The following ARHGAP44 variants were observed in gnomAD, a reference collection of about 807,000 sequenced individuals.
ARHGAP44 encodes the protein Rho GTPase activating protein 44, also known as rho GTPase-activating protein 44.
ARHGAP44 carries 43 observed loss-of-function variants against 106.8 expected under a neutral mutation model. That is an observed-to-expected ratio of 0.40 (90% CI 0.32 to 0.52). The LOEUF (loss-of-function observed/expected upper bound fraction) is 0.52. ARHGAP44 is among the 20% of genes least tolerant of loss of function. The probability of loss-of-function intolerance (pLI) is 0.48; values close to 1 mark genes in which losing one functional copy is unlikely to be tolerated. For synonymous variants in ARHGAP44, 439 were observed against 410.3 expected, an observed-to-expected ratio of 1.07 and a Z score of -0.85; for missense variants, 866 against 1,050.5, an observed-to-expected ratio of 0.82 and a Z score of 2.43.
Position 12,958,683 on chromosome 17 carries a change from G to C in ARHGAP44, c.1343-34G>C. On this transcript the variant is annotated intron_variant, in intron 15 of 20. Coordinates refer to ENST00000379672, the MANE Select transcript of ARHGAP44 (RefSeq NM_014859.6). The surrounding 1 kb of genome is among the most constrained non-coding windows in gnomAD (Gnocchi z 4.1). ...GCCCAGGAAGGGTGTGGCAGACCAAGAGTTCACATGTACCAATTCTTTCTT... is the reference window on the plus strand; with the variant it reads ...GCCCAGGAAGGGTGTGGCAGACCAACAGTTCACATGTACCAATTCTTTCTT... 1 of 1,604,268 alleles carries C rather than the reference G, an allele frequency of 6.2e-7. No individual in the cohort carries two copies. The highest frequency in any genetic ancestry group is 8.5e-7 in the Non-Finnish European group (1 of 1,172,588).
chr17:12,896,597 G>C, intron 3 of ARHGAP44, 86 bp downstream of exon 3: 1 of 1,173,524 alleles, frequency 8.5e-7, no homozygotes, highest in Non-Finnish European at 1.2e-6. Flanking sequence ...GGATGTAGCT[G>C]TTTATGTAGC....
chr17:12,802,963 ATATATATTTT>A (rs1357727985), intron 1 of ARHGAP44, among the ~76,000 whole-genome samples: 292 of 21,834 alleles, frequency 0.013, no homozygotes, highest in South Asian at 0.019. Context: ...ATATATATAT[ATATATATTTT>A]TTTTTTTTTT....
chr17:12,990,432 C>T lies in ARHGAP44; in HGVS notation c.*261C>T, dbSNP rs2040101932. 2 of 414,772 alleles carry T rather than the reference C, an allele frequency of 4.8e-6. No homozygotes were observed. The highest frequency in any genetic ancestry group is 8.6e-5 in the East Asian group (2 of 23,264). 25.7% of individuals were successfully genotyped at this position (414,772 alleles called of 1,614,324 possible). A position where few individuals can be genotyped will look rare whatever the true frequency, so the allele number is the denominator to read the frequency against. On this transcript the variant is annotated 3_prime_UTR_variant, in exon 21 of 21. Coordinates refer to ENST00000379672, the MANE Select transcript of ARHGAP44 (RefSeq NM_014859.6). ...CTTTTGACTTTGTGCCTCTTTTGATCCACTTTCAGCCTCCATGCCAGAAAA... is the reference window on the plus strand; with the variant it reads ...CTTTTGACTTTGTGCCTCTTTTGATTCACTTTCAGCCTCCATGCCAGAAAA...
chr17:12,946,563 C>T (rs2038856610), intron 10 of ARHGAP44, among the ~76,000 whole-genome samples: 1 of 151,406 alleles, frequency 6.6e-6, no homozygotes, highest in Admixed American at 6.6e-5. Context: ...CTTTGGGAGG[C>T]TGAGGAGGGC....
chr17:12,965,955 C>T (rs556112149), intron 16 of ARHGAP44, among the ~76,000 whole-genome samples: 1 of 152,014 alleles, frequency 6.6e-6, no homozygotes, highest in Non-Finnish European at 1.5e-5. Context: ...GAGCTCAAGA[C>T]CAATCTGAGC....
At chr17:12,947,237 C>T (rs1003000344) in intron 10 of ARHGAP44, among the ~76,000 whole-genome samples, 5 of 152,222 alleles carry the variant, frequency 3.3e-5, no homozygotes, top group South Asian at 2.1e-4. Context: ...TCCGGGATCC[C>T]CAGCAACCCC....
chr17:12,908,089 A>G (rs1029871152), intron 3 of ARHGAP44, among the ~76,000 whole-genome samples: 6 of 149,458 alleles, frequency 4.0e-5, no homozygotes, highest in South Asian at 2.1e-4. Flanking sequence ...TTGGCCATCT[A>G]TCTTTTTTGG....
chr17:12,833,097 C>A (rs1240445069), intron 1 of ARHGAP44, among the ~76,000 whole-genome samples: 1 of 152,192 alleles, frequency 6.6e-6, no homozygotes, highest in Non-Finnish European at 1.5e-5. Flanking sequence ...GGAGACTATC[C>A]TAGCTAGAAC....
intron 1 of ARHGAP44, among the ~76,000 whole-genome samples, chr17:12,841,793 A>T (rs557195954): frequency 2.6e-5 from 4 of 152,196 alleles, no homozygotes; most frequent in Admixed American, 2.6e-4. Context: ...ATTGAGGCAG[A>T]TTCATTTGTT....
chr17:12,841,870 G>A (rs2035418868), intron 1 of ARHGAP44, among the ~76,000 whole-genome samples: 1 of 151,988 alleles, frequency 6.6e-6, no homozygotes, highest in African/African-American at 2.4e-5. Context: ...AAAATTGTTC[G>A]GGGTTTGCAA....
intron 1 of ARHGAP44, among the ~76,000 whole-genome samples, chr17:12,792,045 C>T (rs1024028062): frequency 6.6e-6 from 1 of 152,186 alleles, no homozygotes; most frequent in Non-Finnish European, 1.5e-5. Context: ...TTTCTTAACT[C>T]TTTTTCTCCC....
chr17:12,869,523 T>C (rs1192016379), intron 1 of ARHGAP44, among the ~76,000 whole-genome samples: 1 of 152,150 alleles, frequency 6.6e-6, no homozygotes, highest in Admixed American at 6.6e-5. Flanking sequence ...AGTTCAGTGG[T>C]GTTAAGTGTG....
rs376200698 is a variant in ARHGAP44 at position 12,938,582 on chromosome 17, T to TTTA, written c.583-2474_583-2473insTTA. ...CTGGGACATTTGGTTAGCTATATAT[T>TTTA]AAAAAAAAAAAAAAAAAAAAACAGC... On this transcript the variant is annotated intron_variant, in intron 7 of 20. Transcript: ENST00000379672. 1.4e-3 allele frequency among the ~76,000 whole-genome samples: 183 copies of TTTA among 127,008 alleles called. 1 individual carries two copies. Among genetic ancestry groups the TTTA allele is most frequent in the African/African-American group, 3.5e-3 (124 of 35,296 alleles). 83.3% of individuals were successfully genotyped at this position (127,008 alleles called of 152,430 possible).
At chr17:12,937,188 C>T (rs1027680807) in intron 7 of ARHGAP44, among the ~76,000 whole-genome samples, 1 of 152,132 alleles carries the variant, frequency 6.6e-6, no homozygotes, top group Admixed American at 6.6e-5. Context: ...TGAGTATTTC[C>T]CTTCCTCTTG....
At chr17:12,880,416 C>T (rs2036691625) in intron 1 of ARHGAP44, among the ~76,000 whole-genome samples, 1 of 152,084 alleles carries the variant, frequency 6.6e-6, no homozygotes, top group African/African-American at 2.4e-5. Flanking sequence ...CATTTTATTA[C>T]ATATACATTT....
chr17:12,963,510 C>G (rs2039313573), intron 16 of ARHGAP44, among the ~76,000 whole-genome samples: 1 of 152,238 alleles, frequency 6.6e-6, no homozygotes, highest in South Asian at 2.1e-4. Context: ...AGTCTTCAAC[C>G]CAAGTCAGAC....
intron 7 of ARHGAP44, among the ~76,000 whole-genome samples, chr17:12,931,816 A>G (rs1328768695): frequency 6.7e-6 from 1 of 149,470 alleles, no homozygotes; most frequent in Non-Finnish European, 1.5e-5. Flanking sequence ...TTTTTTATAA[A>G]TTGCATGATA....
chr17:12,904,177 G>A (rs1397883615), intron 3 of ARHGAP44, among the ~76,000 whole-genome samples: 2 of 152,054 alleles, frequency 1.3e-5, no homozygotes, highest in East Asian at 3.9e-4. Context: ...TGCCATCTCG[G>A]CTCACTGCAA....
At chr17:12,856,411 T>C (rs2035913029) in intron 1 of ARHGAP44, among the ~76,000 whole-genome samples, 2 of 152,230 alleles carry the variant, frequency 1.3e-5, no homozygotes, top group African/African-American at 4.8e-5. Flanking sequence ...CCTTCTTCTC[T>C]GCTTCCCTAC....
Sources: gnomAD v4.1 joint callset for allele counts (sites outside exome capture counted in the v4.1 genomes callset) on GRCh38, gnomAD v4.1.1 for gene constraint, Gnocchi (gnomAD v3.1) non-coding constraint, MANE v1.5 for transcripts, NCBI Gene and HGNC (gene_info 2026-07-23, HGNC 2026-07-21) for gene names.